TLL1: variants seen among roughly 807,000 people sequenced by gnomAD.
TLL1 encodes tolloid like 1, also known as tolloid-like protein 1.
A neutral mutation model predicts 128.2 loss-of-function variants in TLL1; 49 were observed. The observed-to-expected ratio is 0.38, with a 90% CI of 0.30 to 0.48. The LOEUF (loss-of-function observed/expected upper bound fraction) is 0.48, where lower values mean the gene tolerates loss of function less well. Among genes scored for constraint, TLL1 ranks in the 20% least tolerant of loss-of-function variants. The pLI is 0.96. For synonymous variants in TLL1, 454 were observed against 418.8 expected (o/e 1.08, Z -1.03); for missense variants, 1,123 against 1,242.0 (o/e 0.90, Z 1.44).
intron 1 of TLL1, among the ~76,000 whole-genome samples, chr4:165,916,712 A>T (rs1203343307): frequency 6.6e-6 from 1 of 152,148 alleles, no homozygotes; most frequent in Non-Finnish European, 1.5e-5. Context: ...GTAAATAAGG[A>T]AAGTGATGCT....
rs1257379614 is a variant in TLL1, at chr4:165,974,421, TGAGCCACCGCG to T, written c.170-14959_170-14949del. On this transcript the variant is annotated intron_variant, in intron 1 of 20. Coordinates refer to ENST00000061240, the MANE Select transcript of TLL1 (RefSeq NM_012464.5). ...TCCCAAAGTGCTGGGATTACAGGCG[TGAGCCACCGCG>T]CCTGGCCTCATCTTTAGTTTTCTCT... Among the ~76,000 whole-genome samples, 4 of 151,958 alleles carry T rather than the reference TGAGCCACCGCG, an allele frequency of 2.6e-5. 1 individual carries two copies. The highest frequency in any genetic ancestry group is 9.7e-5 in the African/African-American group (4 of 41,300).
intron 5 of TLL1, among the ~76,000 whole-genome samples, chr4:165,995,628 G>T (rs1315592230): frequency 6.6e-6 from 1 of 152,068 alleles, no homozygotes; most frequent in East Asian, 1.9e-4. Context: ...GATATTTTTG[G>T]ATAGTTCCAT....
At chr4:165,979,051 T>C (rs1736018422) in intron 1 of TLL1, among the ~76,000 whole-genome samples, 1 of 129,396 alleles carries the variant, frequency 7.7e-6, no homozygotes, top group African/African-American at 4.8e-5. Flanking sequence ...GTTCTGTGTT[T>C]TTTTATAGCA....
chr4:165,967,167 T>A (rs1735425028), intron 1 of TLL1, among the ~76,000 whole-genome samples: 1 of 152,216 alleles, frequency 6.6e-6, no homozygotes, highest in South Asian at 2.1e-4. Context: ...CTGTTCTGTC[T>A]GGCCCCTCGG....
chr4:166,001,889 C>T (rs1187230719), intron 5 of TLL1, among the ~76,000 whole-genome samples: 1 of 151,858 alleles, frequency 6.6e-6, no homozygotes, highest in African/African-American at 2.4e-5. Context: ...GTTTCACATT[C>T]TATTTGACAG....
rs568704234 is a variant in TLL1 at position 165,974,583 on chromosome 4, A to G, written c.170-14798A>G. On this transcript the variant is annotated intron_variant, in intron 1 of 20. Coordinates refer to ENST00000061240, the MANE Select transcript of TLL1 (RefSeq NM_012464.5). ...TTTTGTTAACATTTAACAAGCATTA[A>G]TGGAGTTTAGCATTAGCTACCCAAT... Among the ~76,000 whole-genome samples, 5 of 152,350 alleles carry G rather than the reference A, an allele frequency of 3.3e-5. No homozygotes were observed. In the East Asian group the frequency reaches 9.6e-4, roughly 29 times the overall value.
At chr4:165,988,030 G>A (rs1736465142) in intron 1 of TLL1, among the ~76,000 whole-genome samples, 1 of 151,984 alleles carries the variant, frequency 6.6e-6, no homozygotes, top group Admixed American at 6.6e-5. Context: ...AAATATCCCT[G>A]TATTTCTAGG....
intron 1 of TLL1, among the ~76,000 whole-genome samples, chr4:165,889,594 C>T (rs757291013): frequency 6.6e-6 from 1 of 152,162 alleles, no homozygotes; most frequent in East Asian, 1.9e-4. Flanking sequence ...TGACTTGCTG[C>T]CTTCAGGCAG....
At chr4:166,088,380 G>A (rs934662286) in intron 18 of TLL1, among the ~76,000 whole-genome samples, 4 of 152,126 alleles carry the variant, frequency 2.6e-5, no homozygotes, top group South Asian at 2.1e-4. Context: ...TTTCCTTTCC[G>A]AAGAGTTCCT....
At chr4:166,088,192 G>A (rs565246156) in intron 18 of TLL1, among the ~76,000 whole-genome samples, 14 of 151,932 alleles carry the variant, frequency 9.2e-5, no homozygotes, top group African/African-American at 3.1e-4. Flanking sequence ...AAGACTTTTC[G>A]GGAAACTAAG....
intron 1 of TLL1, among the ~76,000 whole-genome samples, chr4:165,985,719 A>G (rs1226261192): frequency 6.6e-6 from 1 of 152,002 alleles, no homozygotes; most frequent in Non-Finnish European, 1.5e-5. Context: ...CTCATCATAC[A>G]TTATTTTATA....
chr4:166,092,301 T>G (rs1741811771), intron 19 of TLL1, among the ~76,000 whole-genome samples: 1 of 152,142 alleles, frequency 6.6e-6, no homozygotes, highest in African/African-American at 2.4e-5. Context: ...TTTTTCATTC[T>G]AGTATATTTT....
At chr4:165,966,986 A>G (rs959237439) in intron 1 of TLL1, among the ~76,000 whole-genome samples, 1 of 152,222 alleles carries the variant, frequency 6.6e-6, no homozygotes, top group African/African-American at 2.4e-5. Context: ...ACAGAAGACC[A>G]GGGCTTATTT....
chr4:165,958,809 T>A (rs1236532324), intron 1 of TLL1, among the ~76,000 whole-genome samples: 1 of 148,472 alleles, frequency 6.7e-6, no homozygotes, highest in Non-Finnish European at 1.5e-5. Context: ...TGAATGGTAA[T>A]GCCTAGGTTT....
intron 1 of TLL1, among the ~76,000 whole-genome samples, chr4:165,919,090 T>G (rs1447287091): frequency 6.6e-6 from 1 of 152,046 alleles, no homozygotes; most frequent in Non-Finnish European, 1.5e-5. Context: ...TTTGAAAAGA[T>G]GGAAGAATAG....
intron 12 of TLL1, among the ~76,000 whole-genome samples, chr4:166,050,343 A>G (rs529966867): frequency 6.6e-6 from 1 of 152,314 alleles, no homozygotes; most frequent in East Asian, 1.9e-4. Context: ...CCATTCATCT[A>G]TCAATGAACC....
At chr4:165,971,839 G>A (rs1735642141) in intron 1 of TLL1, among the ~76,000 whole-genome samples, 2 of 152,106 alleles carry the variant, frequency 1.3e-5, no homozygotes, top group African/African-American at 2.4e-5. Context: ...TTTTGGAGGG[G>A]CTTGCCACTC....
intron 1 of TLL1, among the ~76,000 whole-genome samples, chr4:165,931,720 A>AAAAAAAAAAAAAAAAAAAG (rs1474181301): frequency 6.6e-6 from 1 of 151,670 alleles, no homozygotes; most frequent in African/African-American, 2.4e-5. Context: ...CTCTGTCTCA[A>AAAAAAAAAAAAAAAAAAAG]AAGAAAAAAA....
At chr4:165,962,544 A>T in intron 1 of TLL1, among the ~76,000 whole-genome samples, 1 of 152,184 alleles carries the variant, frequency 6.6e-6, no homozygotes, top group East Asian at 1.9e-4. Flanking sequence ...TCAAATTACC[A>T]TGTAACCCAG....
Sources: gnomAD v4.1 joint callset for allele counts (sites outside exome capture counted in the v4.1 genomes callset) on GRCh38, gnomAD v4.1.1 for gene constraint, MANE v1.5 for transcripts, NCBI Gene and HGNC (gene_info 2026-07-23, HGNC 2026-07-21) for gene names.